The following STIM1 variants were observed in gnomAD, a reference collection of about 807,000 sequenced individuals.
The protein encoded by STIM1 is stromal interaction molecule 1.
Under a neutral mutation model 74.7 loss-of-function variants are expected in STIM1, and 25 were observed. The observed-to-expected ratio is 0.33, with a 90% CI of 0.24 to 0.47. The LOEUF (loss-of-function observed/expected upper bound fraction) is 0.47, where lower values mean the gene tolerates loss of function less well. Ranked by LOEUF, STIM1 falls within the 20% of genes least tolerant of loss-of-function variation. STIM1 has a pLI of 1.00. For missense variants in STIM1, 728 were observed against 920.8 expected, an observed-to-expected ratio of 0.79 and a Z score of 2.71; for synonymous variants, 328 against 348.8, an observed-to-expected ratio of 0.94 and a Z score of 0.66.
chr11:3,999,352 T>C (rs145281389), intron 2 of STIM1, among the ~76,000 whole-genome samples: 1 of 152,146 alleles, frequency 6.6e-6, no homozygotes, highest in Non-Finnish European at 1.5e-5. Flanking sequence ...AACAGCAAAC[T>C]GGATTTGGCT....
In STIM1 at chr11:3,882,092, CTTTT is replaced by C. The variant is rs946580998; in HGVS notation, c.139+25704_139+25707del. Reference sequence around the variant, plus strand: ...TGTAGCATGTATCAGCACTTCATTCCTTTTTTTTTTTTTTTTTTTTTTTTGAGAC... The same window carrying C: ...TGTAGCATGTATCAGCACTTCATTCCTTTTTTTTTTTTTTTTTTTTGAGAC... On this transcript the variant is annotated intron_variant, in intron 1 of 12. Coordinates refer to ENST00000526596, the MANE Select transcript of STIM1 (RefSeq NM_001382567.1). Among the ~76,000 whole-genome samples the C allele has an allele frequency of 1.1e-3, 100 of 92,318 alleles. 1 individual carries two copies. Among genetic ancestry groups the C allele is most frequent in the East Asian group, 6.0e-3 (19 of 3,184 alleles). The allele number at this position is 92,318 out of a possible 152,430, so 60.6% of individuals were successfully genotyped here. A position where few individuals can be genotyped will look rare whatever the true frequency, so the allele number is the denominator to read the frequency against.
chr11:3,952,813 A>T (rs565175401), intron 1 of STIM1, among the ~76,000 whole-genome samples: 151 of 152,342 alleles, frequency 9.9e-4, no homozygotes, highest in African/African-American at 3.6e-3. Flanking sequence ...CAATTCAGTC[A>T]GGAAGGTCAT....
At chr11:3,892,421 A>T in intron 1 of STIM1, 1 of 1,453,046 alleles carries the variant, frequency 6.9e-7, no homozygotes, top group South Asian at 1.1e-5. Context: ...AGCAGTGGTG[A>T]TCTTCTTGCT....
chr11:4,084,612 C>T, intron 10 of STIM1, 61 bp from the exon 11 acceptor site: 1 of 1,243,700 alleles, frequency 8.0e-7, no homozygotes, highest in Non-Finnish European at 1.1e-6. Context: ...ACATTGATGG[C>T]AGGCCGAAGC....
intron 1 of STIM1, among the ~76,000 whole-genome samples, chr11:3,957,729 A>AT (rs1185032610): frequency 2.0e-5 from 3 of 151,252 alleles, no homozygotes; most frequent in East Asian, 1.9e-4. Context: ...CTAATTAAAA[A>AT]TTTTTTTTTC....
At chr11:3,894,620 A>C (rs997828457) in intron 1 of STIM1, among the ~76,000 whole-genome samples, 1 of 152,162 alleles carries the variant, frequency 6.6e-6, no homozygotes, top group African/African-American at 2.4e-5. Flanking sequence ...GTTGAGTCAC[A>C]TCCGACATGT....
chr11:3,925,680 A>G (rs1468556787), intron 1 of STIM1, among the ~76,000 whole-genome samples: 1 of 152,334 alleles, frequency 6.6e-6, no homozygotes, highest in Non-Finnish European at 1.5e-5. Flanking sequence ...TCAACAAATT[A>G]TGCCTGCTTG....
At chr11:4,054,548 G>A (rs1050366576) in intron 3 of STIM1, among the ~76,000 whole-genome samples, 4 of 152,252 alleles carry the variant, frequency 2.6e-5, no homozygotes, top group South Asian at 4.1e-4. Flanking sequence ...TCATAGGAGT[G>A]CGAACCCTAT....
chr11:4,045,203 T>C (rs2133021511), intron 3 of STIM1, among the ~76,000 whole-genome samples: 1 of 152,126 alleles, frequency 6.6e-6, no homozygotes, highest in African/African-American at 2.4e-5. Context: ...TTCTTTCCAC[T>C]ACACTCCAAG....
rs1020819232 is a variant in STIM1, at chr11:3,892,532, G to C, written c.139+36123G>C. The C allele has an allele frequency of 5.0e-6, 8 of 1,595,006 alleles. No individual in the cohort carries two copies. In the African/African-American group the frequency reaches 1.1e-4, roughly 21 times the overall value. On this transcript the variant is annotated intron_variant, in intron 1 of 12. Coordinates refer to ENST00000526596, the MANE Select transcript of STIM1 (RefSeq NM_001382567.1). Reference sequence around the variant, plus strand: ...CACATGCTTGCCATCCAACCACTCAGTCTTGGCAGTGCAGATGAAAAACTG... The same window carrying C: ...CACATGCTTGCCATCCAACCACTCACTCTTGGCAGTGCAGATGAAAAACTG...
rs139472251 is a variant in STIM1 at position 3,962,445 on chromosome 11, T to TTGTGTGTGTGTGTGTGTG, written c.140-5093_140-5076dup. 4.7e-5 allele frequency among the ~76,000 whole-genome samples: 7 copies of TTGTGTGTGTGTGTGTGTG among 147,726 alleles called. No homozygotes were observed. In the South Asian group the frequency reaches 1.1e-3, roughly 23 times the overall value. On this transcript the variant is annotated intron_variant, in intron 1 of 12. Transcript: ENST00000526596. ...ATTCTTCTTTTATGGCTGAGTAGTA[T>TTGTGTGTGTGTGTGTGTG]TGTGTGTGTGTGTGTGTGTGTGTGT... is the stretch of plus-strand genomic sequence containing the variant.
intron 1 of STIM1, among the ~76,000 whole-genome samples, chr11:3,957,763 A>C (rs528880397): frequency 6.6e-6 from 1 of 152,158 alleles, no homozygotes; most frequent in South Asian, 2.1e-4. Context: ...ATGAGATCTC[A>C]CTGTGTGGAC....
rs538951401 is a variant in STIM1, at chr11:4,084,694, G to T, written c.1496G>T (p.Arg499Leu). ...CTAGATGCTGCCTGGCTGATGGGGC[G>T]TAGGTTCAGTGACCGCTCTCTCTGC... is the stretch of plus-strand genomic sequence containing the variant. ...SMQYAAWLMGRRFSDRSLCST... is the reference protein window; with the variant it reads ...SMQYAAWLMGLRFSDRSLCST... The change falls in exon 11 of 13, where the codon CGT becomes CTT. Residue 499 changes from arginine to leucine, a missense_variant. Around this residue, in one of 5 missense-constraint regions of STIM1, gnomAD observed 352 missense variants for 370.1 expected, o/e 0.95. Transcript: ENST00000526596. The T allele has an allele frequency of 4.7e-6, 6 of 1,289,270 alleles. No individual in the cohort carries two copies. In the Admixed American group the frequency reaches 9.2e-5, roughly 20 times the overall value. The allele number at this position is 1,289,270 out of a possible 1,614,324, so 79.9% of individuals were successfully genotyped here.
At chr11:3,927,464 A>G in intron 1 of STIM1, among the ~76,000 whole-genome samples, 1 of 152,186 alleles carries the variant, frequency 6.6e-6, no homozygotes, top group South Asian at 2.1e-4. Context: ...GTGAATATTT[A>G]TTACCCTTTC....
intron 1 of STIM1, among the ~76,000 whole-genome samples, chr11:3,896,432 A>G (rs924898385): frequency 2.0e-5 from 3 of 152,190 alleles, no homozygotes; most frequent in Admixed American, 6.5e-5. Context: ...TTCAGATCTA[A>G]GTCTATTTGA....
intron 1 of STIM1, among the ~76,000 whole-genome samples, chr11:3,888,792 T>C (rs2091808850): frequency 6.6e-6 from 1 of 152,108 alleles, no homozygotes; most frequent in Non-Finnish European, 1.5e-5. Context: ...CCTCAAGTGA[T>C]CCGCCCGTGT....
chr11:3,923,706 T>C (rs1057495501), intron 1 of STIM1, among the ~76,000 whole-genome samples: 1 of 152,092 alleles, frequency 6.6e-6, no homozygotes, highest in African/African-American at 2.4e-5. Flanking sequence ...CACTCTCTAT[T>C]CTAATTGTCA....
intron 2 of STIM1, 55 bp from the exon 3 acceptor site, chr11:4,023,818 C>A: frequency 7.1e-7 from 1 of 1,417,420 alleles, no homozygotes; most frequent in South Asian, 1.2e-5. Context: ...GTGTGGAGAT[C>A]TTGACGGGCT....
At chr11:3,926,854 A>G (rs1262329905) in intron 1 of STIM1, among the ~76,000 whole-genome samples, 1 of 152,204 alleles carries the variant, frequency 6.6e-6, no homozygotes, top group Non-Finnish European at 1.5e-5. Flanking sequence ...AGAGGCCTCA[A>G]TAGGTAGGGA....
Sources: allele counts gnomAD v4.1 joint callset (sites outside exome capture counted in the v4.1 genomes callset), GRCh38; gene constraint gnomAD v4.1.1; regional missense constraint gnomAD v4.1.1; transcripts MANE v1.5; gene names NCBI Gene and HGNC (gene_info 2026-07-23, HGNC 2026-07-21).